Variants in CRLF1 observed in about 807,000 individuals in gnomAD.
CRLF1 encodes cytokine receptor like factor 1, also known as cytokine receptor-like factor 1.
Under a neutral mutation model 48.9 loss-of-function variants are expected in CRLF1, and 36 were observed. The ratio of observed to expected loss-of-function variants is 0.74; its 90% CI spans 0.56 to 0.97. The LOEUF (loss-of-function observed/expected upper bound fraction) is 0.97, where lower values mean the gene tolerates loss of function less well. Ranked by LOEUF, CRLF1 falls within the 50% of genes least tolerant of loss-of-function variation. CRLF1 has a pLI of 0.00. For missense variants in CRLF1, 534 were observed against 575.1 expected (o/e 0.93, Z 0.73); for synonymous variants, 256 against 253.4 (o/e 1.01, Z -0.10).
chr19:18,597,621 G>C (rs772813055), intron 4 of CRLF1, among the ~76,000 whole-genome samples: 3 of 151,738 alleles, frequency 2.0e-5, no homozygotes, highest in Non-Finnish European at 2.9e-5. Context: ...TAGTAGAGAC[G>C]GGGTTTCACC....
intron 4 of CRLF1, 84 bp from the exon 5 acceptor site, chr19:18,597,133 T>C: frequency 6.9e-7 from 1 of 1,446,344 alleles, no homozygotes; most frequent in South Asian, 1.3e-5. Flanking sequence ...GCACTTGGCC[T>C]AGATGGAACC....
intron 6 of CRLF1, among the ~76,000 whole-genome samples, chr19:18,595,295 C>G (rs1976117844): frequency 6.6e-6 from 1 of 152,262 alleles, no homozygotes; most frequent in Non-Finnish European, 1.5e-5. Context: ...CGGGCACGAG[C>G]AGGGGCCAAG....
Position 18,606,694 on chromosome 19 carries a change from C to A in CRLF1, c.-38G>T. 1 of 402,024 alleles carries A rather than the reference C, an allele frequency of 2.5e-6. No individual in the cohort carries two copies. Among genetic ancestry groups the A allele is most frequent in the Middle Eastern group, 1.4e-3 (1 of 724 alleles). The allele number at this position is 402,024 out of a possible 1,614,324, so 24.9% of individuals were successfully genotyped here. A position where few individuals can be genotyped will look rare whatever the true frequency, so the allele number is the denominator to read the frequency against. ...GCCGGGGGCGCGCGGCGGGCTGCGG[C>A]TCGGCGGCGGTGGCGCAGGGCGCGG... On this transcript the variant is annotated 5_prime_UTR_variant, in exon 1 of 9. Transcript: ENST00000392386. This position sits in a 1 kb window ranked among gnomAD's most constrained non-coding sequence, Gnocchi z 4.8.
At chr19:18,605,936 G>A (rs1373234456) in intron 1 of CRLF1, among the ~76,000 whole-genome samples, 1 of 152,146 alleles carries the variant, frequency 6.6e-6, no homozygotes, top group Admixed American at 6.5e-5. Flanking sequence ...CAGCCTGGCT[G>A]AAAACGGTTC....
chr19:18,595,373 C>T (rs1976119300), intron 6 of CRLF1, among the ~76,000 whole-genome samples: 2 of 152,238 alleles, frequency 1.3e-5, no homozygotes, highest in Non-Finnish European at 2.9e-5. Flanking sequence ...AGGATAGGGG[C>T]TGGGGAGCTG....
At chr19:18,601,696 G>A (rs1303445310) in intron 1 of CRLF1, among the ~76,000 whole-genome samples, 2 of 152,170 alleles carry the variant, frequency 1.3e-5, no homozygotes, top group Non-Finnish European at 2.9e-5. Context: ...GAGTCATTGC[G>A]CCTGGCCTAA....
intron 1 of CRLF1, among the ~76,000 whole-genome samples, chr19:18,605,978 C>T (rs1011358027): frequency 2.6e-5 from 4 of 152,050 alleles, no homozygotes; most frequent in Non-Finnish European, 5.9e-5. Context: ...ACTCCGCGGA[C>T]CCCCGTGCGC....
chr19:18,604,661 C>T (rs938456465), intron 1 of CRLF1, among the ~76,000 whole-genome samples: 7 of 152,172 alleles, frequency 4.6e-5, no homozygotes, highest in Non-Finnish European at 8.8e-5. Flanking sequence ...CAGAGATGCA[C>T]GCACTCCAGG....
At chr19:18,596,207 G>A (rs1253488349) in intron 6 of CRLF1, among the ~76,000 whole-genome samples, 1 of 152,092 alleles carries the variant, frequency 6.6e-6, no homozygotes, top group Non-Finnish European at 1.5e-5. Context: ...TCAGCTCTGG[G>A]GGGGCCACCA....
At position 18,602,849 on chromosome 19, in the gene CRLF1, G is replaced by A. The variant is rs1240596634; in HGVS notation, c.116-3003C>T. ...GGCTGGAGTGCAGTGGCACAATCTC[G>A]GCTCACCATAACCTCCACACCCAGC... On this transcript the variant is annotated intron_variant, in intron 1 of 8. Transcript: ENST00000392386. 3.3e-5 allele frequency among the ~76,000 whole-genome samples: 5 copies of A among 150,308 alleles called. No homozygotes were observed. In the South Asian group the frequency reaches 8.4e-4, roughly 25 times the overall value.
In CRLF1 at chr19:18,605,546, G is replaced by A. The variant is rs73531616; in HGVS notation, c.115+996C>T. Among the ~76,000 whole-genome samples the A allele has an allele frequency of 2.3e-3, 352 of 152,276 alleles. 1 individual carries two copies. Among genetic ancestry groups the A allele is most frequent in the African/African-American group, 7.9e-3 (329 of 41,516 alleles). On this transcript the variant is annotated intron_variant, in intron 1 of 8. Coordinates refer to ENST00000392386, the MANE Select transcript of CRLF1 (RefSeq NM_004750.5). Reference sequence around the variant, plus strand: ...CTGTGGGATGTGTGTGACCGTGAATGTGTGTGTCGGGGATGGAATGTGTGT... The same window carrying A: ...CTGTGGGATGTGTGTGACCGTGAATATGTGTGTCGGGGATGGAATGTGTGT...
chr19:18,600,502 A>G (rs2145333880), intron 1 of CRLF1, among the ~76,000 whole-genome samples: 1 of 152,028 alleles, frequency 6.6e-6, no homozygotes, highest in East Asian at 2.0e-4. Context: ...CCAAGTAGCT[A>G]GGACTACGCG....
intron 1 of CRLF1, among the ~76,000 whole-genome samples, chr19:18,600,756 C>G (rs1976210824): frequency 6.6e-6 from 1 of 152,138 alleles, no homozygotes; most frequent in Non-Finnish European, 1.5e-5. Flanking sequence ...CCCTCGGCCT[C>G]TCAAAGTGCT....
chr19:18,598,558 C>G lies in CRLF1; in HGVS notation c.571G>C (p.Gly191Arg), dbSNP rs775007856. The change falls in exon 4 of 9, where the codon GGG (glycine) becomes CGG (arginine). Residue 191 changes from glycine to arginine, a missense_variant. By Grantham distance (125) the Gly-to-Arg change is moderately radical (BLOSUM62 -2). Around this residue, in one of 2 missense-constraint regions of CRLF1, gnomAD observed 528 missense variants for 555.7 expected, o/e 0.95. Transcript: ENST00000392386. ...TTGGGGATGTGGCAGGAGTGGGGCC[C>G]CACTGTGTGGTACTCCTCACATGTG... The part of the protein sequence containing the change: ...DNTCEEYHTV[G>R]PHSCHIPKDL... 54 of 1,614,036 alleles carry G rather than the reference C, an allele frequency of 3.3e-5. No individual in the cohort carries two copies. Among genetic ancestry groups the G allele is most frequent in the Non-Finnish European group, 4.5e-5 (53 of 1,179,968 alleles).
chr19:18,597,740 C>T, intron 4 of CRLF1, among the ~76,000 whole-genome samples: 2 of 152,096 alleles, frequency 1.3e-5, no homozygotes, highest in East Asian at 3.8e-4. Context: ...CCCTCCCTTC[C>T]ACTCTTACTG....
intron 1 of CRLF1, among the ~76,000 whole-genome samples, chr19:18,602,228 AGAG>A (rs1976229956): frequency 6.6e-6 from 1 of 152,218 alleles, no homozygotes; most frequent in South Asian, 2.1e-4. Flanking sequence ...ACCAAGGCCC[AGAG>A]GAGGAGGGGG....
chr19:18,597,202 A>G lies in CRLF1; in HGVS notation c.698-153T>C, dbSNP rs574866353. Among the ~76,000 whole-genome samples, 4 of 36,394 alleles carry G rather than the reference A, an allele frequency of 1.1e-4. No individual in the cohort carries two copies. The South Asian group carries it at 2.5e-3, about 23-fold the overall frequency. The allele number at this position is 36,394 out of a possible 152,430, so 23.9% of individuals were successfully genotyped here. A position where few individuals can be genotyped will look rare whatever the true frequency, so the allele number is the denominator to read the frequency against. ...ACCCCCAGGACTGGTGGATTACACGATATATAATATTGGAGAAACACTCAG... is the reference window on the plus strand; with the variant it reads ...ACCCCCAGGACTGGTGGATTACACGGTATATAATATTGGAGAAACACTCAG... On this transcript the variant is annotated intron_variant, in intron 4 of 8. Transcript: ENST00000392386.
At chr19:18,594,032 T>TTGGCGA in intron 8 of CRLF1, 33 bp downstream of exon 8, 1 of 695,814 alleles carries the variant, frequency 1.4e-6, no homozygotes, top group Non-Finnish European at 2.2e-6. Context: ...CTCCCCTTGC[T>TTGGCGA]CCCTCCCGCC....
rs189608159 is a variant in CRLF1 at position 18,598,838 on chromosome 19, C to A, written c.461G>T (p.Arg154Leu). Residue 154 changes from arginine (R) to leucine (L), a missense_variant, in exon 3 of 9, where the codon CGC becomes CTC. Coordinates refer to ENST00000392386, the MANE Select transcript of CRLF1 (RefSeq NM_004750.5). ...WSKNMKDLTC[R>L]WTPGAHGETF... ...CTCCCCGTGGGCCCCTGGCGTCCAGCGGCAGGTCAAGTCCTTCATGTTCTT... is the reference window on the plus strand; with the variant it reads ...CTCCCCGTGGGCCCCTGGCGTCCAGAGGCAGGTCAAGTCCTTCATGTTCTT... 2.5e-6 allele frequency: 4 copies of A among 1,613,960 alleles called. No homozygotes were observed. Among genetic ancestry groups the A allele is most frequent in the Non-Finnish European group, 3.4e-6 (4 of 1,180,008 alleles).
Sources: gnomAD v4.1 joint callset for allele counts (sites outside exome capture counted in the v4.1 genomes callset) on GRCh38, gnomAD v4.1.1 for gene constraint, gnomAD v4.1.1 regional missense constraint, Gnocchi (gnomAD v3.1) non-coding constraint, MANE v1.5 for transcripts, NCBI Gene and HGNC (gene_info 2026-07-23, HGNC 2026-07-21) for gene names.